The following TRAPPC9 variants were observed in gnomAD, a reference collection of about 807,000 sequenced individuals.
TRAPPC9 encodes the protein IKK2 binding protein.
TRAPPC9 carries 83 observed loss-of-function variants against 124.0 expected under a neutral mutation model. The observed-to-expected ratio is 0.67, with a 90% CI of 0.56 to 0.80. TRAPPC9 has a LOEUF of 0.80. TRAPPC9 is among the 30% of genes least tolerant of loss of function. TRAPPC9 has a pLI of 0.00. For missense variants in TRAPPC9, 1,302 were observed against 1,508.3 expected, an observed-to-expected ratio of 0.86 and a Z score of 2.27; for synonymous variants, 638 against 617.5, an observed-to-expected ratio of 1.03 and a Z score of -0.49.
intron 18 of TRAPPC9, 75 bp from the exon 19 acceptor site, chr8:139,988,911 CAA>C: frequency 9.8e-7 from 1 of 1,023,534 alleles, no homozygotes; most frequent in Non-Finnish European, 1.5e-6. Context: ...TTCTCCTCTC[CAA>C]AGACTTCCCA....
At chr8:140,085,247 G>A (rs920081487) in intron 17 of TRAPPC9, among the ~76,000 whole-genome samples, 2 of 151,376 alleles carry the variant, frequency 1.3e-5, no homozygotes, top group South Asian at 4.2e-4. Context: ...GAGCCCACAC[G>A]CCCACGTCCA....
intron 21 of TRAPPC9, among the ~76,000 whole-genome samples, chr8:139,869,292 A>G (rs867468771): frequency 2.8e-4 from 43 of 152,238 alleles, no homozygotes; most frequent in African/African-American, 9.9e-4. Flanking sequence ...GGTGGTAGTT[A>G]TAATATCAAA....
chr8:140,350,600 G>A (rs1178252317), intron 9 of TRAPPC9, among the ~76,000 whole-genome samples: 1 of 152,048 alleles, frequency 6.6e-6, no homozygotes, highest in Admixed American at 6.6e-5. Context: ...AAAGCGGCGG[G>A]TATGATGCAG....
At chr8:140,261,095 A>G (rs2064396134) in intron 15 of TRAPPC9, among the ~76,000 whole-genome samples, 1 of 152,238 alleles carries the variant, frequency 6.6e-6, no homozygotes, top group Admixed American at 6.5e-5. Flanking sequence ...AGACCATGTT[A>G]GAGGTGATGT....
Position 140,439,124 on chromosome 8 carries a change from G to A in TRAPPC9, c.658C>T (p.Gln220Ter). The change falls in exon 3 of 23, where the codon CAG (glutamine) becomes TAG (stop). Residue 220 changes from glutamine to a stop codon, truncating the protein, a stop_gained. Transcript: ENST00000438773. LOFTEE classifies it high-confidence loss of function. ...GDLCLQAGMLQDSLVHYHMSV... is the reference protein window; with the variant it reads ...GDLCLQAGML ...ATGTGGTAATGCACCAGGGAGTCCTGCAGCATCCCTGCCTGCAGGCACAGG... is the reference window on the plus strand; with the variant it reads ...ATGTGGTAATGCACCAGGGAGTCCTACAGCATCCCTGCCTGCAGGCACAGG... 1 of 1,614,182 alleles carries A rather than the reference G, an allele frequency of 6.2e-7. No individual in the cohort carries two copies. The highest frequency in any genetic ancestry group is 8.5e-7 in the Non-Finnish European group (1 of 1,180,024).
At chr8:139,864,437 T>G (rs1563873499) in intron 21 of TRAPPC9, among the ~76,000 whole-genome samples, 1 of 152,226 alleles carries the variant, frequency 6.6e-6, no homozygotes, top group Non-Finnish European at 1.5e-5. Flanking sequence ...CTCCATCACT[T>G]ATTTTTAGCA....
At chr8:140,065,040 C>T (rs932942439) in intron 17 of TRAPPC9, among the ~76,000 whole-genome samples, 4 of 152,214 alleles carry the variant, frequency 2.6e-5, no homozygotes, top group African/African-American at 9.6e-5. Context: ...GGTTGGTGAT[C>T]TTGGCAGTAA....
intron 21 of TRAPPC9, among the ~76,000 whole-genome samples, chr8:139,885,080 C>A (rs1829916501): frequency 6.6e-6 from 1 of 152,196 alleles, no homozygotes; most frequent in Admixed American, 6.5e-5. Context: ...TTCACAATGA[C>A]CTCTTGGGTA....
chr8:140,011,985 C>T (rs1351580084), intron 18 of TRAPPC9, among the ~76,000 whole-genome samples: 4 of 151,992 alleles, frequency 2.6e-5, no homozygotes, highest in African/African-American at 9.7e-5. Flanking sequence ...ACAATTTTTG[C>T]ATTTTTAGTA....
rs2065951387 is a variant in TRAPPC9, at chr8:140,300,687, A to G, written c.1623-73T>C. ...GGTTTCAGGATAAACATAACCAAACATGATGTATCAGAAAAACAGTAAATC... is the reference window on the plus strand; with the variant it reads ...GGTTTCAGGATAAACATAACCAAACGTGATGTATCAGAAAAACAGTAAATC... On this transcript the variant is annotated intron_variant, in intron 10 of 22. Transcript: ENST00000438773. 3.8e-6 allele frequency: 6 copies of G among 1,579,776 alleles called. No individual in the cohort carries two copies. The Admixed American group carries it at 5.0e-5, about 13-fold the overall frequency.
At chr8:140,384,916 G>C (rs1304317371) in intron 7 of TRAPPC9, among the ~76,000 whole-genome samples, 1 of 152,172 alleles carries the variant, frequency 6.6e-6, no homozygotes, top group Non-Finnish European at 1.5e-5. Flanking sequence ...CACATGGTTG[G>C]AAATAAAGCA....
intron 16 of TRAPPC9, among the ~76,000 whole-genome samples, chr8:140,226,073 G>C (rs752706313): frequency 2.0e-5 from 3 of 152,114 alleles, no homozygotes; most frequent in South Asian, 2.1e-4. Flanking sequence ...AGCATTTCTC[G>C]TTTCTTTGGG....
intron 10 of TRAPPC9, among the ~76,000 whole-genome samples, chr8:140,309,702 G>T (rs2066239406): frequency 6.6e-6 from 1 of 152,230 alleles, no homozygotes; most frequent in Admixed American, 6.5e-5. Flanking sequence ...TTAATCCCAA[G>T]TCAAATGCAT....
At chr8:139,785,846 C>CAA (rs1267519978) in intron 21 of TRAPPC9, among the ~76,000 whole-genome samples, 1 of 152,096 alleles carries the variant, frequency 6.6e-6, no homozygotes, top group Non-Finnish European at 1.5e-5. Flanking sequence ...TATGTACTTG[C>CAA]AAATCATCAA....
intron 17 of TRAPPC9, among the ~76,000 whole-genome samples, chr8:140,080,776 C>A (rs1046505750): frequency 2.6e-5 from 4 of 152,182 alleles, no homozygotes; most frequent in Non-Finnish European, 5.9e-5. Context: ...CACTCACAAA[C>A]CCTAAAAACA....
chr8:139,928,571 A>C (rs368152205), intron 19 of TRAPPC9, among the ~76,000 whole-genome samples: 1 of 151,938 alleles, frequency 6.6e-6, no homozygotes, highest in Non-Finnish European at 1.5e-5. Context: ...CCTTGACCTC[A>C]AGGCCTTTGT....
intron 18 of TRAPPC9, among the ~76,000 whole-genome samples, chr8:139,999,788 G>T (rs1279506263): frequency 6.6e-6 from 1 of 152,166 alleles, no homozygotes; most frequent in African/African-American, 2.4e-5. Context: ...CAACTATCTG[G>T]AAATTTAATC....
chr8:140,357,860 A>G (rs1170845246), intron 9 of TRAPPC9, among the ~76,000 whole-genome samples: 1 of 152,140 alleles, frequency 6.6e-6, no homozygotes. Flanking sequence ...CACAGTTCAA[A>G]TGCAGCCCCA....
At chr8:140,153,383 CT>C (rs766340044) in intron 17 of TRAPPC9, among the ~76,000 whole-genome samples, 17 of 152,172 alleles carry the variant, frequency 1.1e-4, no homozygotes, top group Admixed American at 3.3e-4. Flanking sequence ...TCATTTGCCC[CT>C]ATCATTCTTT....
Sources: allele counts gnomAD v4.1 joint callset (sites outside exome capture counted in the v4.1 genomes callset), GRCh38; gene constraint gnomAD v4.1.1; transcripts MANE v1.5; gene names NCBI Gene and HGNC (gene_info 2026-07-23, HGNC 2026-07-21).